Variants in HSPA12B observed in about 807,000 individuals in gnomAD.
The protein encoded by HSPA12B is heat shock protein family A (Hsp70) member 12B.
A neutral mutation model predicts 69.3 loss-of-function variants in HSPA12B; 54 were observed. The ratio of observed to expected loss-of-function variants is 0.78; its 90% CI spans 0.63 to 0.98. HSPA12B has a LOEUF of 0.98. Ranked by LOEUF, HSPA12B falls within the 50% of genes least tolerant of loss-of-function variation. The pLI is 0.00. For missense variants in HSPA12B, 929 were observed against 999.8 expected (o/e 0.93, Z 0.96); for synonymous variants, 441 against 436.5 (o/e 1.01, Z -0.13).
At chr20:3,750,383 G>T (rs558307326) in intron 11 of HSPA12B, among the ~76,000 whole-genome samples, 156 bp downstream of exon 11, 83 of 152,136 alleles carry the variant, frequency 5.5e-4, no homozygotes, top group Non-Finnish European at 8.8e-5. Flanking sequence ...GGCGGGGAGC[G>T]GCGAGTGAGT....
chr20:3,751,900 C>A lies in HSPA12B; in HGVS notation c.1795C>A (p.Pro599Thr). The A allele has an allele frequency of 6.4e-7, 1 of 1,573,256 alleles. No homozygotes were observed. Among genetic ancestry groups the A allele is most frequent in the African/African-American group, 1.4e-5 (1 of 72,420 alleles). Residue 599 changes from proline (P) to threonine (T), a missense_variant, in exon 13 of 13, where the codon CCC (proline) becomes ACC (threonine). Pro to Thr is a conservative substitution (Grantham distance 38). This residue lies in a region of HSPA12B where 448 missense variants were observed against 448.1 expected (regional missense o/e 1.00). Transcript: ENST00000254963. ...EVRRSYCPAR[P>T]GQRRVLINLY... is the part of the protein sequence containing the mutation. ...GCGGCGCAGCTACTGCCCGGCGCGT[C>A]CCGGCCAGCGGCGCGTACTCATCAA...
intron 12 of HSPA12B, chr20:3,751,201 A>AG: frequency 1.0e-6 from 1 of 953,718 alleles, no homozygotes; most frequent in Non-Finnish European, 1.2e-6. Context: ...TGAAGTACCT[A>AG]GAGTGAGCAC....
rs2088125628 is a variant in HSPA12B at position 3,737,410 on chromosome 20, G to A, written c.-17-1248G>A. 6.6e-6 allele frequency among the ~76,000 whole-genome samples: 1 copy of A among 152,126 alleles called. No homozygotes were observed. Among genetic ancestry groups the A allele is most frequent in the Non-Finnish European group, 1.5e-5 (1 of 68,034 alleles). On this transcript the variant is annotated intron_variant, in intron 1 of 12. Coordinates refer to ENST00000254963, the MANE Select transcript of HSPA12B (RefSeq NM_052970.5). The surrounding 1 kb of genome is among the most constrained non-coding windows in gnomAD (Gnocchi z 4.1). ...CTTTTCAGAAATTCTAGCTCAATATGATTGCGTCACTACACTCCAGCCTGG... is the reference window on the plus strand; with the variant it reads ...CTTTTCAGAAATTCTAGCTCAATATAATTGCGTCACTACACTCCAGCCTGG...
intron 4 of HSPA12B, among the ~76,000 whole-genome samples, chr20:3,743,019 G>A (rs1366097863): frequency 3.3e-5 from 5 of 150,390 alleles, no homozygotes; most frequent in Admixed American, 1.3e-4. Flanking sequence ...GACTACAGGC[G>A]ACCGCCACCA....
chr20:3,742,232 G>A, intron 3 of HSPA12B, 52 bp from the exon 4 acceptor site: 1 of 1,600,892 alleles, frequency 6.2e-7, no homozygotes, highest in Non-Finnish European at 8.5e-7. Flanking sequence ...GGCTGTGGGG[G>A]ATGGGGGTGT....
At chr20:3,734,263 T>A (rs56341531) in intron 1 of HSPA12B, among the ~76,000 whole-genome samples, 4,170 of 152,192 alleles carry the variant, frequency 0.027, 185 homozygotes, top group African/African-American at 0.095. Context: ...GAGTTCCTGC[T>A]GGGCCACACC....
In HSPA12B at chr20:3,751,737, C is replaced by T; in HGVS notation, c.1632C>T (p.Gly544=). The part of the protein sequence containing the change: ...VRVRRSPLTY[G]VGVLNRFVPG... ...TCCGCCGCTCGCCGCTCACCTATGGCGTGGGCGTGCTCAACCGCTTTGTGC... is the reference window on the plus strand; with the variant it reads ...TCCGCCGCTCGCCGCTCACCTATGGTGTGGGCGTGCTCAACCGCTTTGTGC... Residue 544 remains glycine, a synonymous_variant, in exon 13 of 13, where the codon GGC becomes GGT. Transcript: ENST00000254963. 1 of 1,518,554 alleles carries T rather than the reference C, an allele frequency of 6.6e-7. No individual in the cohort carries two copies. Among genetic ancestry groups the T allele is most frequent in the South Asian group, 1.2e-5 (1 of 82,054 alleles). The allele number at this position is 1,518,554 out of a possible 1,614,324, so 94.1% of individuals were successfully genotyped here.
Position 3,752,432 on chromosome 20 carries a change from CAG to C in HSPA12B, c.*269_*270del, listed in dbSNP as rs1351193393. The C allele has an allele frequency of 1.3e-5, 5 of 390,294 alleles. No individual in the cohort carries two copies. Among genetic ancestry groups the C allele is most frequent in the Non-Finnish European group, 2.3e-5 (5 of 220,574 alleles). The allele number at this position is 390,294 out of a possible 1,614,324, so 24.2% of individuals were successfully genotyped here. ...CGGGTAAGAGAAGAGGTTTGCAAGA[CAG>C]AGCGCGCAGCCCGGCAAGGGGCATG... On this transcript the variant is annotated 3_prime_UTR_variant, in exon 13 of 13. Transcript: ENST00000254963.
In HSPA12B at chr20:3,751,914, CG is replaced by C; in HGVS notation, c.1810del (p.Val604TyrfsTer115). The C allele has an allele frequency of 6.3e-7, 1 of 1,583,454 alleles. No homozygotes were observed. The highest frequency in any genetic ancestry group is 8.5e-7 in the Non-Finnish European group (1 of 1,170,248). ...YCPARPGQRRVLINLYCCAAE... is the reference protein window; with the variant it reads ...YCPARPGQRRXLINLYCCAAE... ...GCCCGGCGCGTCCCGGCCAGCGGCG[CG>C]TACTCATCAACCTGTACTGCTGCGC... is the stretch of plus-strand genomic sequence containing the variant. On this transcript the variant is annotated frameshift_variant, in exon 13 of 13. Transcript: ENST00000254963. LOFTEE classifies it high-confidence loss of function.
At chr20:3,741,733 C>G (rs890656375) in intron 3 of HSPA12B, among the ~76,000 whole-genome samples, 1 of 152,222 alleles carries the variant, frequency 6.6e-6, no homozygotes, top group African/African-American at 2.4e-5. Context: ...CCTGGTGATC[C>G]AGCTTAGGGA....
chr20:3,741,054 G>C (rs543596560), intron 3 of HSPA12B, 142 bp downstream of exon 3: 4 of 641,258 alleles, frequency 6.2e-6, no homozygotes, highest in Admixed American at 3.0e-5. Context: ...GTACACTCCA[G>C]TCATGTGCCC....
rs531041418 is a variant in HSPA12B at position 3,744,097 on chromosome 20, C to T, written c.267-805C>T. 6.6e-6 allele frequency among the ~76,000 whole-genome samples: 1 copy of T among 152,170 alleles called. No individual in the cohort carries two copies. The highest frequency in any genetic ancestry group is 6.5e-5 in the Admixed American group (1 of 15,282). ...GGTCGGCAGGCAGTAGGTGAAGCTA[C>T]AGGAGACCTCAAAGCTCTCAACCCA... is the stretch of plus-strand genomic sequence containing the variant. On this transcript the variant is annotated intron_variant, in intron 4 of 12. Transcript: ENST00000254963. The surrounding 1 kb of genome is among the most constrained non-coding windows in gnomAD (Gnocchi z 4.9).
At chr20:3,743,185 T>TC (rs1491342171) in intron 4 of HSPA12B, among the ~76,000 whole-genome samples, 1 of 84,876 alleles carries the variant, frequency 1.2e-5, no homozygotes, top group African/African-American at 4.9e-5. Flanking sequence ...CAACCTGGCC[T>TC]TTTTTTTTTT....
intron 11 of HSPA12B, 51 bp from the exon 12 acceptor site, chr20:3,750,753 C>A (rs1170248164): frequency 1.2e-6 from 2 of 1,611,592 alleles, no homozygotes; most frequent in South Asian, 2.2e-5. Flanking sequence ...CAAACTGGGG[C>A]AAGCAGCTGG....
rs773272336 is a variant in HSPA12B, at chr20:3,750,153, G to T, written c.1227G>T (p.Ser409=). 1.2e-6 allele frequency: 2 copies of T among 1,611,540 alleles called. No individual in the cohort carries two copies. Residue 409 remains serine, a synonymous_variant, in exon 11 of 13, where the codon TCG becomes TCT. Transcript: ENST00000254963. ...GPHRAGALNI[S]LPFSFIDFYR... Reference sequence around the variant, plus strand: ...ACCGTGCAGGGGCGCTCAACATCTCGCTGCCCTTCTCCTTCATTGACTTCT... The same window carrying T: ...ACCGTGCAGGGGCGCTCAACATCTCTCTGCCCTTCTCCTTCATTGACTTCT...
At chr20:3,748,035 A>G (rs1200839578) in intron 7 of HSPA12B, among the ~76,000 whole-genome samples, 182 bp from the exon 8 acceptor site, 2 of 152,248 alleles carry the variant, frequency 1.3e-5, no homozygotes, top group Non-Finnish European at 2.9e-5. Context: ...GCCTGGTCAC[A>G]GCGTGGCTAT....
At chr20:3,751,041 T>G in intron 12 of HSPA12B, 134 bp downstream of exon 12, 1 of 914,608 alleles carries the variant, frequency 1.1e-6, no homozygotes, top group South Asian at 1.5e-5. Context: ...CTAGAACACC[T>G]GCGGGATGAA....
Position 3,751,504 on chromosome 20 carries a change from C to T in HSPA12B, c.1406-7C>T, listed in dbSNP as rs149679568. 3,757 of 1,413,568 alleles carry T rather than the reference C, an allele frequency of 2.7e-3. 8 individuals are homozygous for T. Among genetic ancestry groups the T allele is most frequent in the Non-Finnish European group, 3.3e-3 (3,567 of 1,085,016 alleles). The allele number at this position is 1,413,568 out of a possible 1,614,324, so 87.6% of individuals were successfully genotyped here. On this transcript the variant is annotated splice_polypyrimidine_tract_variant and splice_region_variant and intron_variant, in intron 12 of 12. Transcript: ENST00000254963. ...CTTCACCCGCGTCCCCCCGTCCTGT[C>T]CCGCAGAGGCCCTGCTGGCACGGCC...
Position 3,746,125 on chromosome 20 carries a change from A to C in HSPA12B, c.675+94A>C, listed in dbSNP as rs1026094977. On this transcript the variant is annotated intron_variant, in intron 7 of 12. Coordinates refer to ENST00000254963, the MANE Select transcript of HSPA12B (RefSeq NM_052970.5). ...CACCCCACCACCCTTGAGACCACAG[A>C]GTCATTGTGGAAAGAACTTCAGCCT... The C allele has an allele frequency of 8.0e-6, 7 of 873,532 alleles. No homozygotes were observed. In the African/African-American group the frequency reaches 1.2e-4, roughly 14 times the overall value. The allele number at this position is 873,532 out of a possible 1,614,324, so 54.1% of individuals were successfully genotyped here.
Sources: allele counts gnomAD v4.1 joint callset (sites outside exome capture counted in the v4.1 genomes callset), GRCh38; gene constraint gnomAD v4.1.1; regional missense constraint gnomAD v4.1.1; non-coding constraint Gnocchi (gnomAD v3.1); transcripts MANE v1.5; gene names NCBI Gene and HGNC (gene_info 2026-07-23, HGNC 2026-07-21).